The following KCNH1 variants were observed in gnomAD, a reference collection of about 807,000 sequenced individuals.
KCNH1 encodes potassium voltage-gated channel subfamily H member 1, also known as voltage-gated delayed rectifier potassium channel KCNH1.
KCNH1 carries 27 observed loss-of-function variants against 69.2 expected under a neutral mutation model. The observed-to-expected ratio is 0.39, with a 90% CI of 0.29 to 0.54. The LOEUF (loss-of-function observed/expected upper bound fraction) is 0.54, where lower values mean the gene tolerates loss of function less well. Among genes scored for constraint, KCNH1 ranks in the 20% least tolerant of loss-of-function variants. The pLI is 0.68. For synonymous variants in KCNH1, 456 were observed against 487.7 expected (o/e 0.93, Z 0.86); for missense variants, 798 against 1,261.6 (o/e 0.63, Z 5.57).
chr1:210,981,465 C>T (rs1688709529), intron 6 of KCNH1, among the ~76,000 whole-genome samples: 1 of 150,324 alleles, frequency 6.7e-6, no homozygotes, highest in Non-Finnish European at 1.5e-5. Context: ...CAGTGTTTGG[C>T]TTTCTTATGA....
intron 4 of KCNH1, among the ~76,000 whole-genome samples, chr1:211,087,960 C>T (rs931141071): frequency 6.6e-6 from 1 of 152,122 alleles, no homozygotes; most frequent in Non-Finnish European, 1.5e-5. Flanking sequence ...TCAATTATCC[C>T]ATGTGTTGGA....
At chr1:210,964,916 C>T (rs963768600) in intron 6 of KCNH1, among the ~76,000 whole-genome samples, 1 of 152,186 alleles carries the variant, frequency 6.6e-6, no homozygotes, top group Non-Finnish European at 1.5e-5. Flanking sequence ...ATCAAGTCAG[C>T]TTCATCCCTG....
chr1:210,706,965 C>T (rs989024573), intron 10 of KCNH1, among the ~76,000 whole-genome samples: 7 of 152,196 alleles, frequency 4.6e-5, no homozygotes, highest in Non-Finnish European at 1.0e-4. Context: ...ACACCGAAGG[C>T]TGGGTGCAGA....
At chr1:211,110,013 C>T (rs1174283019) in intron 1 of KCNH1, among the ~76,000 whole-genome samples, 1 of 144,694 alleles carries the variant, frequency 6.9e-6, no homozygotes. Context: ...GAGAAAGAGA[C>T]AAGAAACAGA....
chr1:211,050,945 A>G (rs1278699103), intron 5 of KCNH1, among the ~76,000 whole-genome samples: 3 of 152,070 alleles, frequency 2.0e-5, no homozygotes, highest in Non-Finnish European at 4.4e-5. Flanking sequence ...ATTGTGTTCG[A>G]TGGGAGAGAG....
intron 5 of KCNH1, among the ~76,000 whole-genome samples, chr1:211,077,287 C>A (rs1690753431): frequency 6.6e-6 from 1 of 151,996 alleles, no homozygotes; most frequent in South Asian, 2.1e-4. Context: ...GGAACAGCGA[C>A]CCCAAGATAC....
At chr1:211,098,130 C>A (rs1691190879) in intron 3 of KCNH1, among the ~76,000 whole-genome samples, 1 of 151,504 alleles carries the variant, frequency 6.6e-6, no homozygotes, top group Non-Finnish European at 1.5e-5. Flanking sequence ...CCAGCCTGGC[C>A]AACATGGTGA....
chr1:210,961,888 C>T (rs1688302136), intron 6 of KCNH1, among the ~76,000 whole-genome samples: 1 of 151,974 alleles, frequency 6.6e-6, no homozygotes, highest in Non-Finnish European at 1.5e-5. Flanking sequence ...TGTTTTAATG[C>T]CTTGTCTGAT....
chr1:210,847,818 GA>G (rs924947176), intron 7 of KCNH1, among the ~76,000 whole-genome samples: 50 of 147,384 alleles, frequency 3.4e-4, no homozygotes, highest in African/African-American at 8.2e-4. Flanking sequence ...TAAAATGTGG[GA>G]AAAAAAAAAG....
chr1:211,078,934 A>AAAAAAG (rs1553377558), intron 5 of KCNH1, among the ~76,000 whole-genome samples: 4 of 142,460 alleles, frequency 2.8e-5, no homozygotes, highest in South Asian at 4.6e-4. Context: ...AAAAAAAAAA[A>AAAAAAG]AAAGAAAGAA....
chr1:211,035,112 T>C (rs1208971016), intron 5 of KCNH1, among the ~76,000 whole-genome samples: 1 of 152,164 alleles, frequency 6.6e-6, no homozygotes. Context: ...CAACATGTAT[T>C]CAAAGAGGAA....
intron 10 of KCNH1, among the ~76,000 whole-genome samples, chr1:210,709,675 G>T (rs191864365): frequency 6.6e-6 from 1 of 151,672 alleles, no homozygotes; most frequent in African/African-American, 2.4e-5. Flanking sequence ...TAGACGGAAA[G>T]AAAGAGAGAT....
At chr1:210,975,387 G>T (rs1041744234) in intron 6 of KCNH1, among the ~76,000 whole-genome samples, 1 of 152,142 alleles carries the variant, frequency 6.6e-6, no homozygotes, top group Non-Finnish European at 1.5e-5. Context: ...CATGGTACTG[G>T]TACCAAAACA....
intron 5 of KCNH1, among the ~76,000 whole-genome samples, chr1:211,056,365 C>G (rs1248163021): frequency 6.6e-6 from 1 of 152,078 alleles, no homozygotes; most frequent in Non-Finnish European, 1.5e-5. Flanking sequence ...GCCAGGTCAG[C>G]TACAATAGAA....
intron 6 of KCNH1, among the ~76,000 whole-genome samples, chr1:211,015,489 T>C (rs558239566): frequency 6.6e-6 from 1 of 152,328 alleles, no homozygotes; most frequent in African/African-American, 2.4e-5. Flanking sequence ...TGGGTCTATG[T>C]ATTACCTGCT....
At chr1:210,813,991 C>G (rs967458826) in intron 7 of KCNH1, among the ~76,000 whole-genome samples, 3 of 152,150 alleles carry the variant, frequency 2.0e-5, no homozygotes, top group Admixed American at 2.0e-4. Flanking sequence ...GATTGTGAGG[C>G]CTCCCCAGCC....
At chr1:210,959,936 G>A (rs1446361661) in intron 6 of KCNH1, among the ~76,000 whole-genome samples, 1 of 152,188 alleles carries the variant, frequency 6.6e-6, no homozygotes, top group Non-Finnish European at 1.5e-5. Context: ...CAGTCCCAAT[G>A]AGATGAACCA....
At chr1:210,835,720 T>C (rs1360860796) in intron 7 of KCNH1, among the ~76,000 whole-genome samples, 1 of 152,160 alleles carries the variant, frequency 6.6e-6, no homozygotes, top group African/African-American at 2.4e-5. Context: ...ATGATCTTAA[T>C]TGGTTCATTA....
chr1:210,753,728 C>T (rs1683331514), intron 10 of KCNH1, among the ~76,000 whole-genome samples: 1 of 152,176 alleles, frequency 6.6e-6, no homozygotes, highest in African/African-American at 2.4e-5. Context: ...ACTTTCTATT[C>T]TCCCCAGGCC....
Sources: gnomAD v4.1 joint callset for allele counts (sites outside exome capture counted in the v4.1 genomes callset) on GRCh38, gnomAD v4.1.1 for gene constraint, MANE v1.5 for transcripts, NCBI Gene and HGNC (gene_info 2026-07-23, HGNC 2026-07-21) for gene names.